The following RIC1 variants were observed in gnomAD, a reference collection of about 807,000 sequenced individuals.
RIC1 encodes the protein guanine nucleotide exchange factor subunit RIC1.
RIC1 carries 88 observed loss-of-function variants against 169.0 expected under a neutral mutation model. The ratio of observed to expected loss-of-function variants is 0.52; its 90% CI spans 0.44 to 0.62. The LOEUF (loss-of-function observed/expected upper bound fraction) is 0.62. Ranked by LOEUF, RIC1 falls within the 20% of genes least tolerant of loss-of-function variation. RIC1 has a pLI of 0.00. For synonymous variants in RIC1, 790 were observed against 601.5 expected, an observed-to-expected ratio of 1.31 and a Z score of -4.59; for missense variants, 1,877 against 1,725.5, an observed-to-expected ratio of 1.09 and a Z score of -1.56.
At position 5,774,165 on chromosome 9, in the gene RIC1, C is replaced by T. The variant is rs757865916; in HGVS notation, c.4191C>T (p.Val1397=). Residue 1397 remains valine, a synonymous_variant, in exon 26 of 26, where the codon GTC becomes GTT. Transcript: ENST00000414202. ...GTGAAGTTGGAAGCAGCAATATGGT[C>T]AGCCGGAAAGAGGAGGACACAGCCC... The part of the protein sequence containing the change: ...PQGEVGSSNM[V]SRKEEDTAQA... The T allele has an allele frequency of 4.0e-5, 65 of 1,613,906 alleles. No homozygotes were observed. The highest frequency in any genetic ancestry group is 5.3e-5 in the Non-Finnish European group (62 of 1,179,964).
rs544074273 is a variant in RIC1, at chr9:5,663,607, G to T, written c.252+6917G>T. 2.2e-4 allele frequency among the ~76,000 whole-genome samples: 34 copies of T among 152,222 alleles called. No homozygotes were observed. The East Asian group carries it at 4.8e-3, about 22-fold the overall frequency. ...TTTTATCTTTTTTCATTTAAAGTCT[G>T]TTTTGTGAGAAACTAGGATCGCAGT... On this transcript the variant is annotated intron_variant, in intron 2 of 25. Transcript: ENST00000414202.
chr9:5,769,427 G>A (rs1211047556), intron 22 of RIC1, 171 bp downstream of exon 22: 14 of 1,531,646 alleles, frequency 9.1e-6, no homozygotes, highest in Non-Finnish European at 1.2e-5. Flanking sequence ...GACCAAAGAT[G>A]TAAATAAAGT....
At chr9:5,648,283 C>T (rs4742111) in intron 1 of RIC1, among the ~76,000 whole-genome samples, 44,747 of 152,008 alleles carry the variant, frequency 0.29, 7,772 homozygotes, top group East Asian at 0.58. Flanking sequence ...CATGCCTAGC[C>T]AGGTATAGGT....
At chr9:5,696,368 T>A (rs1821905440) in intron 3 of RIC1, among the ~76,000 whole-genome samples, 1 of 152,162 alleles carries the variant, frequency 6.6e-6, no homozygotes, top group South Asian at 2.1e-4. Flanking sequence ...ATGCCTCTAT[T>A]CCTTTGTTAT....
chr9:5,685,294 A>G (rs1005688828), intron 2 of RIC1, among the ~76,000 whole-genome samples: 2 of 150,850 alleles, frequency 1.3e-5, no homozygotes, highest in African/African-American at 4.9e-5. Flanking sequence ...TTCATATGGA[A>G]CCAAAAAAGA....
intron 2 of RIC1, among the ~76,000 whole-genome samples, chr9:5,685,363 C>G (rs1292339451): frequency 6.6e-6 from 1 of 151,792 alleles, no homozygotes; most frequent in Non-Finnish European, 1.5e-5. Context: ...ATCACACTAC[C>G]TGACTTCAAC....
intron 3 of RIC1, among the ~76,000 whole-genome samples, chr9:5,701,086 G>C (rs1004429256): frequency 1.3e-5 from 2 of 151,988 alleles, no homozygotes; most frequent in Non-Finnish European, 2.9e-5. Flanking sequence ...AAGTTGGCTG[G>C]GTTCTATTTC....
intron 1 of RIC1, among the ~76,000 whole-genome samples, chr9:5,652,017 A>G (rs1818831573): frequency 6.6e-6 from 1 of 152,202 alleles, no homozygotes; most frequent in African/African-American, 2.4e-5. Flanking sequence ...TTTGAAAATC[A>G]GTTGGCTGTA....
chr9:5,699,841 T>G (rs1822113296), intron 3 of RIC1, among the ~76,000 whole-genome samples: 1 of 152,180 alleles, frequency 6.6e-6, no homozygotes, highest in African/African-American at 2.4e-5. Context: ...GATTAAACTT[T>G]AAAGCATATC....
At chr9:5,720,142 C>T in intron 4 of RIC1, 40 bp from the exon 5 acceptor site, 2 of 1,548,176 alleles carry the variant, frequency 1.3e-6, no homozygotes, top group Non-Finnish European at 1.8e-6. Flanking sequence ...CATTGCTTTC[C>T]CAGTATGCTC....
At chr9:5,772,477 C>T in intron 23 of RIC1, 87 bp from the exon 24 acceptor site, 11 of 1,056,818 alleles carry the variant, frequency 1.0e-5, no homozygotes, top group Non-Finnish European at 1.5e-5. Context: ...GAGAAATCAA[C>T]ATCTGAGGAA....
chr9:5,673,535 G>GATATATATATATATATAT lies in RIC1; in HGVS notation c.253-16418_253-16401dup, dbSNP rs59648906. On this transcript the variant is annotated intron_variant, in intron 2 of 25. Transcript: ENST00000414202. ...ATATATATGCACCAAAACATAAGGA[G>GATATATATATATATATAT]ATATATATATATATATATATATAAA... 1.9e-3 allele frequency among the ~76,000 whole-genome samples: 221 copies of GATATATATATATATATAT among 119,240 alleles called. 6 individuals are homozygous for GATATATATATATATATAT. Among genetic ancestry groups the GATATATATATATATATAT allele is most frequent in the Middle Eastern group, 4.1e-3 (1 of 242 alleles). 78.2% of individuals were successfully genotyped at this position (119,240 alleles called of 152,430 possible).
chr9:5,633,475 A>G (rs964222957), intron 1 of RIC1, among the ~76,000 whole-genome samples: 35 of 152,148 alleles, frequency 2.3e-4, no homozygotes, highest in Admixed American at 2.0e-3. Flanking sequence ...AGTATTATCT[A>G]TCCTTTAACT....
intron 9 of RIC1, 86 bp downstream of exon 9, chr9:5,743,099 C>T (rs1244981656): frequency 2.4e-6 from 3 of 1,275,008 alleles, no homozygotes; most frequent in Non-Finnish European, 2.2e-6. Context: ...TCAGAACTTC[C>T]CTTTTTGCCT....
intron 22 of RIC1, chr9:5,769,761 A>G (rs958359406): frequency 3.1e-5 from 8 of 258,776 alleles, no homozygotes; most frequent in Admixed American, 2.0e-4. Context: ...TATTGAAACC[A>G]AAACTTTTAA....
At chr9:5,637,539 C>G (rs577045440) in intron 1 of RIC1, among the ~76,000 whole-genome samples, 2 of 152,288 alleles carry the variant, frequency 1.3e-5, no homozygotes, top group South Asian at 2.1e-4. Context: ...GTTGTGCTAT[C>G]AAATACTAGG....
At chr9:5,777,954 A>G (rs909038746), downstream of RIC1, among the ~76,000 whole-genome samples, 2 of 152,160 alleles carry the variant, frequency 1.3e-5, no homozygotes, top group African/African-American at 2.4e-5. Flanking sequence ...TTGTATTTCC[A>G]TATGAATTGC....
intron 8 of RIC1, among the ~76,000 whole-genome samples, chr9:5,739,620 C>A (rs1824941693): frequency 6.6e-6 from 1 of 152,102 alleles, no homozygotes. Context: ...CATTATCTTG[C>A]CTGGCGACTG....
chr9:5,747,454 G>T lies in RIC1; in HGVS notation c.1401G>T (p.Glu467Asp), dbSNP rs752265137. Residue 467 changes from glutamate (E) to aspartate (D), a missense_variant, in exon 12 of 26, where the codon GAG (glutamate) becomes GAT (aspartate). Coordinates refer to ENST00000414202, the MANE Select transcript of RIC1 (RefSeq NM_020829.4). ...EKSPFADGGL[E>D]SQGLSTLLGH... ...GCCCATTTGCAGATGGAGGTTTAGA[G>T]TCTCAGGGATTAAGCACTTTACTTG... 1.2e-6 allele frequency: 2 copies of T among 1,614,098 alleles called. No individual in the cohort carries two copies. Among genetic ancestry groups the T allele is most frequent in the Admixed American group, 3.3e-5 (2 of 60,032 alleles).
Sources: gnomAD v4.1 joint callset for allele counts (sites outside exome capture counted in the v4.1 genomes callset) on GRCh38, gnomAD v4.1.1 for gene constraint, MANE v1.5 for transcripts, NCBI Gene and HGNC (gene_info 2026-07-23, HGNC 2026-07-21) for gene names.